Variants in PLA2G4A observed in about 807,000 individuals in gnomAD.
The protein encoded by PLA2G4A is cytosolic phospholipase A2.
Under a neutral mutation model 81.9 loss-of-function variants are expected in PLA2G4A, and 40 were observed. The ratio of observed to expected loss-of-function variants is 0.49; its 90% CI spans 0.38 to 0.64. The LOEUF is 0.64. PLA2G4A is among the 30% of genes least tolerant of loss of function. The probability of loss-of-function intolerance (pLI) is 0.00; values close to 1 mark genes in which losing one functional copy is unlikely to be tolerated. For synonymous variants in PLA2G4A, 302 were observed against 296.9 expected (o/e 1.02, Z -0.18); for missense variants, 715 against 905.1 (o/e 0.79, Z 2.69).
intron 10 of PLA2G4A, among the ~76,000 whole-genome samples, chr1:186,940,941 TGAACA>T (rs2102221770): frequency 6.6e-6 from 1 of 151,980 alleles, no homozygotes; most frequent in East Asian, 1.9e-4. Context: ...ATCTCAGGAG[TGAACA>T]CTTGTTTCTT....
intron 3 of PLA2G4A, among the ~76,000 whole-genome samples, chr1:186,874,245 C>G (rs1018981337): frequency 6.6e-6 from 1 of 152,036 alleles, no homozygotes; most frequent in African/African-American, 2.4e-5. Flanking sequence ...TGTAGTATTT[C>G]AATTGGTCAT....
At chr1:186,982,871 G>A (rs2102303827) in intron 17 of PLA2G4A, among the ~76,000 whole-genome samples, 1 of 152,216 alleles carries the variant, frequency 6.6e-6, no homozygotes, top group East Asian at 1.9e-4. Context: ...CAGGTCAGGA[G>A]ATCAAGACCA....
intron 1 of PLA2G4A, among the ~76,000 whole-genome samples, chr1:186,832,148 T>A (rs921382453): frequency 1.2e-4 from 18 of 152,138 alleles, no homozygotes; most frequent in African/African-American, 4.1e-4. Flanking sequence ...ATAGATTAGT[T>A]TTCCACTATT....
chr1:186,843,708 A>G (rs1325002622), intron 1 of PLA2G4A, among the ~76,000 whole-genome samples: 1 of 152,210 alleles, frequency 6.6e-6, no homozygotes, highest in African/African-American at 2.4e-5. Context: ...TGGGTAAGGA[A>G]AGCACCAGTT....
chr1:186,970,960 T>C (rs2102285217), intron 15 of PLA2G4A, among the ~76,000 whole-genome samples: 1 of 152,130 alleles, frequency 6.6e-6, no homozygotes, highest in South Asian at 2.1e-4. Context: ...CACTGGTATT[T>C]TGATAGGGAT....
chr1:186,847,357 CGTGTGTGTGTGTGTGT>C (rs34724808), intron 1 of PLA2G4A, among the ~76,000 whole-genome samples: 1 of 146,192 alleles, frequency 6.8e-6, no homozygotes, highest in African/African-American at 2.6e-5. Flanking sequence ...TTATTTCATA[CGTGTGTGTGTGTGTGT>C]GTGTGTGTGT....
rs964556984 is a variant in PLA2G4A, at chr1:186,935,911, T to C, written c.695+3012T>C. On this transcript the variant is annotated intron_variant, in intron 8 of 17. Transcript: ENST00000367466. ...GGTAGGACAAAGCTTCCCTTATACC[T>C]GCTACTACCTTTATGGTAATTACTT... 5.3e-5 allele frequency among the ~76,000 whole-genome samples: 8 copies of C among 152,064 alleles called. No individual in the cohort carries two copies. The South Asian group carries it at 1.7e-3, about 32-fold the overall frequency.
intron 7 of PLA2G4A, among the ~76,000 whole-genome samples, chr1:186,932,248 G>A (rs1379465367): frequency 6.6e-6 from 1 of 151,172 alleles, no homozygotes. Context: ...TTTTCTAATA[G>A]ACATTGCTTT....
intron 1 of PLA2G4A, among the ~76,000 whole-genome samples, chr1:186,848,406 A>G (rs1372490785): frequency 1.3e-5 from 2 of 152,128 alleles, no homozygotes; most frequent in Non-Finnish European, 2.9e-5. Flanking sequence ...AGGGGAGGGG[A>G]GAAGTCAATG....
intron 15 of PLA2G4A, among the ~76,000 whole-genome samples, chr1:186,967,047 A>T (rs906369174): frequency 2.6e-5 from 4 of 152,270 alleles, no homozygotes; most frequent in Admixed American, 1.3e-4. Flanking sequence ...GTGGCAATTC[A>T]TAATAATTAA....
At position 186,947,124 on chromosome 1, in the gene PLA2G4A, A is replaced by G. The variant is rs1200468107; in HGVS notation, c.1264+163A>G. On this transcript the variant is annotated intron_variant, in intron 12 of 17. Transcript: ENST00000367466. ...AAATATTTCCTAAAAATAATATGTT[A>G]CTTCTTAAGTATTATTTTGACACTG... Among the ~76,000 whole-genome samples the G allele has an allele frequency of 3.9e-5, 6 of 152,132 alleles. No homozygotes were observed. In the East Asian group the frequency reaches 1.2e-3, roughly 29 times the overall value.
intron 14 of PLA2G4A, among the ~76,000 whole-genome samples, chr1:186,964,769 A>G (rs753573576): frequency 6.6e-6 from 1 of 152,356 alleles, no homozygotes; most frequent in African/African-American, 2.4e-5. Context: ...GCTCTATCAG[A>G]GCAGAGCATG....
chr1:186,949,930 G>A (rs10752985), intron 12 of PLA2G4A, among the ~76,000 whole-genome samples: 145,745 of 152,142 alleles, frequency 0.96, 69,853 homozygotes, highest in East Asian at 1. Flanking sequence ...CAGCTACTCA[G>A]GAGGCTAAGG....
chr1:186,876,610 C>T (rs1164987523), intron 3 of PLA2G4A, among the ~76,000 whole-genome samples: 1 of 152,128 alleles, frequency 6.6e-6, no homozygotes, highest in Non-Finnish European at 1.5e-5. Context: ...TAAATGTTGT[C>T]TTCGTGGATT....
chr1:186,931,505 C>A (rs956844442), intron 7 of PLA2G4A, among the ~76,000 whole-genome samples: 18 of 141,270 alleles, frequency 1.3e-4, no homozygotes, highest in Non-Finnish European at 1.8e-4. Context: ...CAATTTAAAG[C>A]AAAAATGTTT....
In PLA2G4A at chr1:186,854,379, C is replaced by A; in HGVS notation, c.25C>A (p.His9Asn). 1 of 1,567,100 alleles carries A rather than the reference C, an allele frequency of 6.4e-7. No individual in the cohort carries two copies. The highest frequency in any genetic ancestry group is 8.8e-7 in the Non-Finnish European group (1 of 1,137,840). Residue 9 changes from histidine to asparagine, a missense_variant, in exon 2 of 18, where the codon CAC (histidine) becomes AAC (asparagine). By Grantham distance (68) the His-to-Asn change is moderately conservative. Coordinates refer to ENST00000367466, the MANE Select transcript of PLA2G4A (RefSeq NM_024420.3). The part of the protein sequence containing the change: MSFIDPYQ[H>N]IIVEHQYSHK... ...AATGTCATTTATAGATCCTTACCAG[C>A]ACATTATAGTAAGTCATTCACTGTT...
Position 186,977,680 on chromosome 1 carries a change from A to C in PLA2G4A, c.1852A>C (p.Lys618Gln). 1 of 1,612,870 alleles carries C rather than the reference A, an allele frequency of 6.2e-7. No individual in the cohort carries two copies. Among genetic ancestry groups the C allele is most frequent in the Non-Finnish European group, 8.5e-7 (1 of 1,178,856 alleles). Residue 618 changes from lysine (K) to glutamine (Q), a missense_variant, in exon 16 of 18, where the codon AAG becomes CAG. Lys to Gln is a moderately conservative substitution (Grantham distance 53). Coordinates refer to ENST00000367466, the MANE Select transcript of PLA2G4A (RefSeq NM_024420.3). Reference protein sequence around the residue: ...DPYVFDREGLKECYVFKPKNP... With the variant: ...DPYVFDREGLQECYVFKPKNP... ...TTATGTGTTTGATCGGGAAGGGCTG[A>C]AGGAGTGCTATGTCTTTAAACCCAA...
intron 15 of PLA2G4A, among the ~76,000 whole-genome samples, chr1:186,968,105 G>T (rs933776991): frequency 1.3e-5 from 2 of 151,994 alleles, no homozygotes; most frequent in African/African-American, 4.8e-5. Context: ...GTCTAGTGGT[G>T]GAAGACACTG....
chr1:186,942,587 AG>A (rs1656191299), intron 10 of PLA2G4A, among the ~76,000 whole-genome samples: 1 of 152,086 alleles, frequency 6.6e-6, no homozygotes, highest in African/African-American at 2.4e-5. Flanking sequence ...CAAATATAAA[AG>A]TTTGTTTTTA....
Sources: gnomAD v4.1 joint callset for allele counts (sites outside exome capture counted in the v4.1 genomes callset) on GRCh38, gnomAD v4.1.1 for gene constraint, MANE v1.5 for transcripts, NCBI Gene and HGNC (gene_info 2026-07-23, HGNC 2026-07-21) for gene names.